Variants in CSMD1 observed in about 807,000 individuals in gnomAD.
CSMD1 encodes CUB and Sushi multiple domains 1, also known as CUB and sushi domain-containing protein 1.
Under a neutral mutation model 417.5 loss-of-function variants are expected in CSMD1, and 213 were observed. That is an observed-to-expected ratio of 0.51 (90% confidence interval 0.46 to 0.57). The LOEUF is 0.57. Ranked by LOEUF, CSMD1 falls within the 20% of genes least tolerant of loss-of-function variation. The pLI, the probability that CSMD1 is intolerant of heterozygous loss-of-function variation, is 0.00. For synonymous variants in CSMD1, 2,862 were observed against 1,736.8 expected, an observed-to-expected ratio of 1.65 and a Z score of -16.11; for missense variants, 6,923 against 4,529.7, an observed-to-expected ratio of 1.53 and a Z score of -15.17.
chr8:3,847,808 T>G (rs955905679), intron 5 of CSMD1, among the ~76,000 whole-genome samples: 1 of 152,182 alleles, frequency 6.6e-6, no homozygotes, highest in Non-Finnish European at 1.5e-5. Context: ...GTGCCAATAA[T>G]TGCACATCAA....
At chr8:3,504,389 C>T (rs568406025) in intron 10 of CSMD1, among the ~76,000 whole-genome samples, 12 of 152,192 alleles carry the variant, frequency 7.9e-5, no homozygotes, top group East Asian at 5.8e-4. Context: ...AGAATGATGC[C>T]GATTTCCCTG....
At chr8:4,292,787 C>A in intron 3 of CSMD1, among the ~76,000 whole-genome samples, 1 of 152,036 alleles carries the variant, frequency 6.6e-6, no homozygotes, top group East Asian at 1.9e-4. Flanking sequence ...TTCAGTAGTC[C>A]CAACCATGTA....
Position 3,421,647 on chromosome 8 carries a change from C to CT in CSMD1, c.1562-12043dup, listed in dbSNP as rs749044842. Among the ~76,000 whole-genome samples, 8 of 151,776 alleles carry CT rather than the reference C, an allele frequency of 5.3e-5. 1 individual carries two copies. The highest frequency in any genetic ancestry group is 8.8e-5 in the Non-Finnish European group (6 of 67,898). On this transcript the variant is annotated intron_variant, in intron 12 of 69. Coordinates refer to ENST00000635120, the MANE Select transcript of CSMD1 (RefSeq NM_033225.6). ...TTATAAATTCTACAGATGTCTTTTT[C>CT]TTTTTTTTGAGACAGTGTCTTGCTC...
At chr8:4,755,733 T>C (rs1242604677) in intron 1 of CSMD1, among the ~76,000 whole-genome samples, 1 of 152,230 alleles carries the variant, frequency 6.6e-6, no homozygotes, top group Non-Finnish European at 1.5e-5. Flanking sequence ...TTTCTGTATG[T>C]AGAGTTACAT....
intron 7 of CSMD1, among the ~76,000 whole-genome samples, chr8:3,688,380 T>C (rs540810756): frequency 6.6e-6 from 1 of 152,292 alleles, no homozygotes; most frequent in African/African-American, 2.4e-5. Context: ...AAAGGAGGAA[T>C]TGAGAAATAG....
At chr8:4,204,398 G>C (rs141553319) in intron 3 of CSMD1, among the ~76,000 whole-genome samples, 16 of 152,176 alleles carry the variant, frequency 1.1e-4, no homozygotes, top group Non-Finnish European at 2.4e-4. Flanking sequence ...CTACAAATTA[G>C]GAAAGATAGA....
intron 2 of CSMD1, among the ~76,000 whole-genome samples, chr8:4,473,849 G>A (rs1043498542): frequency 2.6e-5 from 4 of 152,050 alleles, no homozygotes; most frequent in East Asian, 1.9e-4. Context: ...GCAAATGATC[G>A]TAGCATATAT....
intron 26 of CSMD1, among the ~76,000 whole-genome samples, chr8:3,249,077 A>G (rs1446334906): frequency 6.6e-6 from 1 of 152,208 alleles, no homozygotes; most frequent in African/African-American, 2.4e-5. Flanking sequence ...GGGTTCTCAA[A>G]AAATGTTTGT....
intron 2 of CSMD1, among the ~76,000 whole-genome samples, chr8:4,442,361 G>T (rs17070309): frequency 6.6e-6 from 1 of 151,942 alleles, no homozygotes; most frequent in African/African-American, 2.4e-5. Context: ...ATTCCCACAC[G>T]TTTGCCTAGA....
intron 2 of CSMD1, among the ~76,000 whole-genome samples, chr8:4,467,582 T>G (rs1052961208): frequency 6.6e-5 from 10 of 152,228 alleles, no homozygotes; most frequent in Admixed American, 3.3e-4. Context: ...AACAAATATT[T>G]TCTCCCTTTT....
chr8:4,441,136 T>C (rs1342702603), intron 2 of CSMD1, among the ~76,000 whole-genome samples: 3 of 131,012 alleles, frequency 2.3e-5, no homozygotes, highest in Non-Finnish European at 4.8e-5. Context: ...AGGGTCTCTG[T>C]CACCTAAGCT....
chr8:3,575,610 T>G (rs1325912089), intron 9 of CSMD1, among the ~76,000 whole-genome samples: 1 of 152,164 alleles, frequency 6.6e-6, no homozygotes, highest in Admixed American at 6.5e-5. Flanking sequence ...CTTTCGAGCT[T>G]TAGATTCTAT....
intron 68 of CSMD1, among the ~76,000 whole-genome samples, chr8:2,946,827 C>A (rs6983225): frequency 0.02 from 2,977 of 152,312 alleles, 88 homozygotes; most frequent in African/African-American, 0.065. Flanking sequence ...GCAGCTGCAT[C>A]ATTTCACATT....
At chr8:3,723,252 C>T (rs1182399718) in intron 6 of CSMD1, among the ~76,000 whole-genome samples, 6 of 152,088 alleles carry the variant, frequency 3.9e-5, no homozygotes, top group Admixed American at 1.3e-4. Context: ...AACAATGCAA[C>T]GGGGACTGTC....
Position 4,569,266 on chromosome 8 carries a change from T to C in CSMD1, c.302+68076A>G, listed in dbSNP as rs184855370. Among the ~76,000 whole-genome samples, 117 of 152,344 alleles carry C rather than the reference T, an allele frequency of 7.7e-4. 1 individual carries two copies. Among genetic ancestry groups the C allele is most frequent in the African/African-American group, 2.8e-3 (115 of 41,582 alleles). ...TGCCTAGGTTTTCTTCTAGGGTTTT[T>C]ATGGTTTTAGGTCTAACATTTAAGT... On this transcript the variant is annotated intron_variant, in intron 2 of 69. Transcript: ENST00000635120.
intron 1 of CSMD1, among the ~76,000 whole-genome samples, chr8:4,808,755 A>G (rs988224851): frequency 1.3e-5 from 2 of 152,220 alleles, no homozygotes; most frequent in East Asian, 3.8e-4. Flanking sequence ...ATTAAAACAT[A>G]AACTTATTTA....
chr8:2,955,881 T>C (rs1430826743), intron 63 of CSMD1, 113 bp from the exon 64 acceptor site: 5 of 667,232 alleles, frequency 7.5e-6, no homozygotes, highest in Admixed American at 3.0e-5. Flanking sequence ...TCAATATGTA[T>C]ATATACATAT....
intron 3 of CSMD1, among the ~76,000 whole-genome samples, chr8:4,306,395 C>T (rs1504755): frequency 4.2e-3 from 283 of 67,354 alleles, no homozygotes; most frequent in African/African-American, 0.016. Flanking sequence ...GATTAAAAAA[C>T]CTACAGAACA....
intron 1 of CSMD1, among the ~76,000 whole-genome samples, chr8:4,938,433 A>G (rs558418991): frequency 3.3e-5 from 5 of 152,162 alleles, no homozygotes; most frequent in Non-Finnish European, 5.9e-5. Flanking sequence ...TGGCATATGC[A>G]TACTCACTTG....
Sources: allele counts gnomAD v4.1 joint callset (sites outside exome capture counted in the v4.1 genomes callset), GRCh38; gene constraint gnomAD v4.1.1; transcripts MANE v1.5; gene names NCBI Gene and HGNC (gene_info 2026-07-23, HGNC 2026-07-21).